The following DNAH9 variants were observed in gnomAD, a reference collection of about 807,000 sequenced individuals.
The protein encoded by DNAH9 is DNAH9 variant protein.
Under a neutral mutation model 471.6 loss-of-function variants are expected in DNAH9, and 345 were observed. The ratio of observed to expected loss-of-function variants is 0.73; its 90% confidence interval spans 0.67 to 0.80. DNAH9 has a LOEUF of 0.80. DNAH9 is among the 30% of genes least tolerant of loss of function. The pLI is 0.00. For missense variants in DNAH9, 5,407 were observed against 5,609.2 expected (o/e 0.96, Z 1.15); for synonymous variants, 2,093 against 2,123.6 (o/e 0.99, Z 0.40).
intron 48 of DNAH9, among the ~76,000 whole-genome samples, chr17:11,823,763 C>G (rs1970396178): frequency 6.6e-6 from 1 of 152,016 alleles, no homozygotes; most frequent in African/African-American, 2.4e-5. Flanking sequence ...AACTCCATCT[C>G]TACTAAAAAT....
intron 66 of DNAH9, among the ~76,000 whole-genome samples, chr17:11,939,112 C>T (rs1426569845): frequency 2.0e-5 from 3 of 152,156 alleles, no homozygotes; most frequent in African/African-American, 7.2e-5. Flanking sequence ...GATTGAAATT[C>T]TGACTCCGAG....
rs78845357 is a variant in DNAH9, at chr17:11,942,477, G to A, written c.12835G>A (p.Gly4279Ser). 2.9e-4 allele frequency: 468 copies of A among 1,613,740 alleles called. No homozygotes were observed. In the African/African-American group the frequency reaches 5.5e-3, roughly 19 times the overall value. The part of the protein sequence containing the change: ...IQRSLRELEL[G>S]LKGELTMTSH... ...GCGCTCACTGAGGGAGCTGGAGCTCGGCTTAAAGGTGAGCGCGGTCTTGTA... is the reference window on the plus strand; with the variant it reads ...GCGCTCACTGAGGGAGCTGGAGCTCAGCTTAAAGGTGAGCGCGGTCTTGTA... The change falls in exon 67 of 69, where the codon GGC (glycine) becomes AGC (serine). Residue 4279 changes from glycine (G) to serine (S), a missense_variant. Transcript: ENST00000262442.
chr17:11,757,604 G>A lies in DNAH9; in HGVS notation c.6907G>A (p.Glu2303Lys). 1 of 1,613,848 alleles carries A rather than the reference G, an allele frequency of 6.2e-7. No individual in the cohort carries two copies. Among genetic ancestry groups the A allele is most frequent in the Non-Finnish European group, 8.5e-7 (1 of 1,179,708 alleles). Residue 2303 changes from glutamate to lysine, a missense_variant, in exon 35 of 69, where the codon GAG becomes AAG. Physicochemically the swap from Glu to Lys is moderately conservative, Grantham distance 56. Around this residue, in one of 3 missense-constraint regions of DNAH9, gnomAD observed 4,636 missense variants for 4,900.3 expected, o/e 0.95. Transcript: ENST00000262442. ...GAACCCTCCAGTGAGCAGCTGGATT[G>A]AGAAGAGGGAAATCCAGACAGAGAG... ...GWNPPVSSWI[E>K]KREIQTERAN...
At chr17:11,785,333 C>T (rs1968825851) in intron 41 of DNAH9, among the ~76,000 whole-genome samples, 1 of 152,044 alleles carries the variant, frequency 6.6e-6, no homozygotes, top group African/African-American at 2.4e-5. Flanking sequence ...GCCTTTCACA[C>T]CAAGCAGAGG....
At chr17:11,629,132 T>C (rs1315689396) in intron 6 of DNAH9, among the ~76,000 whole-genome samples, 1 of 151,848 alleles carries the variant, frequency 6.6e-6, no homozygotes, top group Non-Finnish European at 1.5e-5. Flanking sequence ...AGTTTTAGGG[T>C]ACATGTGCAC....
intron 19 of DNAH9, among the ~76,000 whole-genome samples, chr17:11,687,710 A>G (rs1020220401): frequency 6.6e-6 from 1 of 152,142 alleles, no homozygotes; most frequent in African/African-American, 2.4e-5. Context: ...TGTGTCTAGT[A>G]TGTAGCCCTC....
chr17:11,747,963 C>G, intron 32 of DNAH9, among the ~76,000 whole-genome samples, 197 bp downstream of exon 32: 1 of 152,040 alleles, frequency 6.6e-6, no homozygotes. Flanking sequence ...CAGATATTCT[C>G]CCTCCTTGGG....
At chr17:11,688,990 G>A (rs2074286935) in intron 19 of DNAH9, among the ~76,000 whole-genome samples, 1 of 152,062 alleles carries the variant, frequency 6.6e-6, no homozygotes, top group African/African-American at 2.4e-5. Context: ...CAGCTACTTG[G>A]GAGGCTGAGG....
intron 55 of DNAH9, chr17:11,882,874 C>T: frequency 1.1e-6 from 1 of 948,132 alleles, no homozygotes; most frequent in Non-Finnish European, 1.3e-6. Flanking sequence ...AACAGCAAAT[C>T]CTGGTCTTAA....
intron 45 of DNAH9, among the ~76,000 whole-genome samples, chr17:11,818,224 A>G (rs1970171438): frequency 6.6e-6 from 1 of 152,158 alleles, no homozygotes; most frequent in South Asian, 2.1e-4. Context: ...AGGTCAGGAG[A>G]TCGAGACCAT....
chr17:11,836,770 A>G (rs2150955368), intron 49 of DNAH9, among the ~76,000 whole-genome samples: 1 of 152,378 alleles, frequency 6.6e-6, no homozygotes, highest in South Asian at 2.1e-4. Context: ...CACAAAAGAT[A>G]GAACCACTTT....
intron 9 of DNAH9, 150 bp downstream of exon 9, chr17:11,636,934 C>G: frequency 4.2e-6 from 3 of 711,076 alleles, no homozygotes; most frequent in Admixed American, 2.8e-5. Context: ...TTCCAGACCA[C>G]CTTGGGTGAC....
chr17:11,612,205 C>G, intron 4 of DNAH9: 1 of 390,912 alleles, frequency 2.6e-6, no homozygotes, highest in East Asian at 5.2e-5. Context: ...CCTGTGTGAC[C>G]AACTCCAGGG....
At chr17:11,717,537 C>A (rs555545713) in intron 26 of DNAH9, among the ~76,000 whole-genome samples, 2 of 152,024 alleles carry the variant, frequency 1.3e-5, no homozygotes, top group Admixed American at 6.5e-5. Flanking sequence ...TTTTGGACAC[C>A]CCCTCACATG....
intron 35 of DNAH9, among the ~76,000 whole-genome samples, chr17:11,760,512 GT>G (rs1967618953): frequency 1.3e-5 from 2 of 151,686 alleles, no homozygotes; most frequent in African/African-American, 2.4e-5. Flanking sequence ...TTTGTTGTTA[GT>G]TTTTTTTATT....
chr17:11,623,694 A>G lies in DNAH9; in HGVS notation c.1350+3913A>G, dbSNP rs2150663344. ...AATCTGCTCCTCTCCAGTAAGAATT[A>G]TCATGAACTTAGCCTTATTCATCTT... On this transcript the variant is annotated intron_variant, in intron 6 of 68. Coordinates refer to ENST00000262442, the MANE Select transcript of DNAH9 (RefSeq NM_001372.4). This position sits in a 1 kb window ranked among gnomAD's most constrained non-coding sequence, Gnocchi z 4.1. Among the ~76,000 whole-genome samples the G allele has an allele frequency of 6.6e-6, 1 of 152,316 alleles. No homozygotes were observed. Among genetic ancestry groups the G allele is most frequent in the African/African-American group, 2.4e-5 (1 of 41,582 alleles).
At chr17:11,726,542 C>T (rs989975310) in intron 27 of DNAH9, among the ~76,000 whole-genome samples, 1 of 152,132 alleles carries the variant, frequency 6.6e-6, no homozygotes, top group African/African-American at 2.4e-5. Context: ...TGACTTTCAC[C>T]TCTTTGGCAA....
chr17:11,652,942 A>G lies in DNAH9; in HGVS notation c.2535A>G (p.Arg845=). 1 of 1,614,064 alleles carries G rather than the reference A, an allele frequency of 6.2e-7. No individual in the cohort carries two copies. The change falls in exon 14 of 69, where the codon CGA becomes CGG. Residue 845 remains arginine, a synonymous_variant. Transcript: ENST00000262442. ...TTTCTCTGGATGATCGGCATGATCG[A>G]ATGGAAAAATATTACAATCTCATCA... ...SLLSLDDRHD[R]MEKYYNLIKE...
At chr17:11,642,725 C>T (rs2073300913) in intron 10 of DNAH9, among the ~76,000 whole-genome samples, 4 of 152,206 alleles carry the variant, frequency 2.6e-5, no homozygotes, top group African/African-American at 9.7e-5. Flanking sequence ...TCTGCTCTGG[C>T]CTCATTCTTT....
Sources: gnomAD v4.1 joint callset for allele counts (sites outside exome capture counted in the v4.1 genomes callset) on GRCh38, gnomAD v4.1.1 for gene constraint, gnomAD v4.1.1 regional missense constraint, Gnocchi (gnomAD v3.1) non-coding constraint, MANE v1.5 for transcripts, NCBI Gene and HGNC (gene_info 2026-07-23, HGNC 2026-07-21) for gene names.